Variants in NELL2 observed in about 807,000 individuals in gnomAD.
NELL2 encodes the protein neural EGFL like 2, also known as protein kinase C-binding protein NELL2.
A neutral mutation model predicts 109.6 loss-of-function variants in NELL2; 41 were observed. That is an observed-to-expected ratio of 0.37 (90% CI 0.29 to 0.49). The LOEUF is 0.49. NELL2 is among the 20% of genes least tolerant of loss of function. The pLI is 0.98. For missense variants in NELL2, 900 were observed against 1,008.3 expected, an observed-to-expected ratio of 0.89 and a Z score of 1.45; for synonymous variants, 355 against 344.7, an observed-to-expected ratio of 1.03 and a Z score of -0.33.
At chr12:44,514,929 A>G (rs1195000924) in intron 19 of NELL2, among the ~76,000 whole-genome samples, 4 of 151,038 alleles carry the variant, frequency 2.6e-5, no homozygotes, top group African/African-American at 9.7e-5. Flanking sequence ...ACCTAATTAT[A>G]ATATAATAAG....
At chr12:44,844,881 A>G (rs904388118) in intron 2 of NELL2, among the ~76,000 whole-genome samples, 1 of 152,162 alleles carries the variant, frequency 6.6e-6, no homozygotes, top group East Asian at 1.9e-4. Context: ...ACTGTGCACA[A>G]TTAATATAAA....
chr12:44,669,479 A>G (rs1948061405), intron 12 of NELL2, among the ~76,000 whole-genome samples: 1 of 152,134 alleles, frequency 6.6e-6, no homozygotes, highest in Non-Finnish European at 1.5e-5. Flanking sequence ...GCAAACACAG[A>G]TAAACAATAC....
Position 44,911,169 on chromosome 12 carries a change from T to C in NELL2, c.38+2630A>G, listed in dbSNP as rs1945775503. Among the ~76,000 whole-genome samples the C allele has an allele frequency of 2.0e-5, 3 of 151,844 alleles. No homozygotes were observed. In the South Asian group the frequency reaches 6.2e-4, roughly 31 times the overall value. On this transcript the variant is annotated intron_variant, in intron 1 of 20. Coordinates refer to the NELL2 transcript ENST00000333837. ...AAACTGAAATTATTAAATAAATAGGTAAATAAAGTACTGTTTTACAAATGT... is the reference window on the plus strand; with the variant it reads ...AAACTGAAATTATTAAATAAATAGGCAAATAAAGTACTGTTTTACAAATGT...
intron 3 of NELL2, among the ~76,000 whole-genome samples, chr12:44,784,967 G>A (rs762931080): frequency 3.9e-5 from 6 of 152,070 alleles, no homozygotes; most frequent in East Asian, 1.9e-4. Context: ...TTTGAAAACC[G>A]GCACAAGACA....
At chr12:44,908,985 A>G (rs1173755590) in intron 1 of NELL2, among the ~76,000 whole-genome samples, 1 of 151,972 alleles carries the variant, frequency 6.6e-6, no homozygotes, top group Non-Finnish European at 1.5e-5. Context: ...CAGAACACAT[A>G]AGAACAGAGT....
At chr12:44,661,512 G>A (rs1480558969) in intron 13 of NELL2, among the ~76,000 whole-genome samples, 4 of 152,166 alleles carry the variant, frequency 2.6e-5, no homozygotes, top group South Asian at 2.1e-4. Context: ...CCGGTAACTC[G>A]AATGTCTTCC....
In NELL2 at chr12:44,756,358, G is replaced by A. The variant is rs575724592; in HGVS notation, c.994+18389C>T. ...TTCTCTCTCAAATGCTAGTGAATACGTGCCATCAGCATTTAAATATTGTCT... is the reference window on the plus strand; with the variant it reads ...TTCTCTCTCAAATGCTAGTGAATACATGCCATCAGCATTTAAATATTGTCT... On this transcript the variant is annotated intron_variant, in intron 9 of 19. Transcript: ENST00000429094. 4.2e-4 allele frequency among the ~76,000 whole-genome samples: 63 copies of A among 151,592 alleles called. 1 individual carries two copies. In the South Asian group the frequency reaches 0.011, roughly 26 times the overall value.
At chr12:44,692,499 T>A (rs999297938) in intron 12 of NELL2, among the ~76,000 whole-genome samples, 1 of 152,160 alleles carries the variant, frequency 6.6e-6, no homozygotes, top group African/African-American at 2.4e-5. Context: ...ATTTAGACTT[T>A]CTAGTCTTAT....
At chr12:44,580,392 G>A (rs1944278383) in intron 15 of NELL2, among the ~76,000 whole-genome samples, 3 of 152,140 alleles carry the variant, frequency 2.0e-5, no homozygotes, top group Non-Finnish European at 4.4e-5. Context: ...CATCACAGAA[G>A]TGACACAAAG....
Position 44,516,024 on chromosome 12 carries a change from C to CT in NELL2, c.2400+3980dup, listed in dbSNP as rs767629279. Among the ~76,000 whole-genome samples, 189 of 151,436 alleles carry CT rather than the reference C, an allele frequency of 1.2e-3. 1 individual carries two copies. The highest frequency in any genetic ancestry group is 1.8e-3 in the Non-Finnish European group (123 of 67,688). ...GTTTTCATTATTATCATGACCAGTACTTTTTTTTATTATACTTTAAGTTTT... is the reference window on the plus strand; with the variant it reads ...GTTTTCATTATTATCATGACCAGTACTTTTTTTTTATTATACTTTAAGTTTT... On this transcript the variant is annotated intron_variant, in intron 19 of 19. Coordinates refer to ENST00000429094, the MANE Select transcript of NELL2 (RefSeq NM_001145108.2).
chr12:44,719,495 G>T (rs1375018651), intron 9 of NELL2, among the ~76,000 whole-genome samples: 3 of 152,044 alleles, frequency 2.0e-5, no homozygotes, highest in Non-Finnish European at 2.9e-5. Flanking sequence ...CTTATTACCT[G>T]ATTTAAAATT....
upstream of NELL2, among the ~76,000 whole-genome samples, chr12:44,914,363 G>T (rs1381487124): frequency 6.6e-6 from 1 of 152,122 alleles, no homozygotes; most frequent in African/African-American, 2.4e-5. Flanking sequence ...TACAGTTGCT[G>T]TTCTTTCTGC....
chr12:44,550,414 A>ATTT (rs34399603), intron 15 of NELL2, among the ~76,000 whole-genome samples: 2 of 146,230 alleles, frequency 1.4e-5, no homozygotes, highest in East Asian at 2.0e-4. Context: ...TGCCAGGCTA[A>ATTT]TTTTTTTTTT....
chr12:44,517,211 AG>A (rs1353399314), intron 19 of NELL2, among the ~76,000 whole-genome samples: 2 of 152,066 alleles, frequency 1.3e-5, no homozygotes, highest in African/African-American at 4.8e-5. Context: ...ATATATTAAA[AG>A]CTTTATTATA....
chr12:44,567,367 T>C (rs1407885880), intron 15 of NELL2, among the ~76,000 whole-genome samples: 2 of 152,206 alleles, frequency 1.3e-5, no homozygotes, highest in African/African-American at 4.8e-5. Flanking sequence ...AGAAAGGAGA[T>C]ACATATACTT....
intron 9 of NELL2, among the ~76,000 whole-genome samples, chr12:44,745,658 C>T (rs1940298657): frequency 6.6e-6 from 1 of 151,562 alleles, no homozygotes; most frequent in Non-Finnish European, 1.5e-5. Flanking sequence ...ACACCAATAA[C>T]AGACAGAGAG....
intron 9 of NELL2, among the ~76,000 whole-genome samples, chr12:44,772,171 C>A (rs1941577056): frequency 6.6e-6 from 1 of 152,106 alleles, no homozygotes; most frequent in African/African-American, 2.4e-5. Flanking sequence ...GAATTTACTT[C>A]TACTCCACTA....
chr12:44,640,728 G>A (rs764509400), intron 13 of NELL2, among the ~76,000 whole-genome samples: 7 of 151,950 alleles, frequency 4.6e-5, no homozygotes, highest in Non-Finnish European at 8.8e-5. Context: ...TGAGGAACAA[G>A]GGGACAAATT....
intron 5 of NELL2, among the ~76,000 whole-genome samples, chr12:44,777,910 TGAC>T (rs1315245584): frequency 2.6e-5 from 4 of 152,190 alleles, no homozygotes; most frequent in Non-Finnish European, 5.9e-5. Context: ...CAGCTGGAAA[TGAC>T]CTGTTTTACA....
Sources: allele counts gnomAD v4.1 joint callset (sites outside exome capture counted in the v4.1 genomes callset), GRCh38; gene constraint gnomAD v4.1.1; transcripts MANE v1.5; gene names NCBI Gene and HGNC (gene_info 2026-07-23, HGNC 2026-07-21).